METAP1: variants seen among roughly 807,000 people sequenced by gnomAD.
METAP1 encodes methionyl aminopeptidase 1, also known as methionine aminopeptidase 1.
METAP1 carries 28 observed loss-of-function variants against 53.8 expected under a neutral mutation model. The ratio of observed to expected loss-of-function variants is 0.52; its 90% CI spans 0.39 to 0.71. The LOEUF (loss-of-function observed/expected upper bound fraction) is 0.71, where lower values mean the gene tolerates loss of function less well. Among genes scored for constraint, METAP1 ranks in the 30% least tolerant of loss-of-function variants. The pLI, the probability that METAP1 is intolerant of heterozygous loss-of-function variation, is 0.00. For missense variants in METAP1, 389 were observed against 479.8 expected, an observed-to-expected ratio of 0.81 and a Z score of 1.77; for synonymous variants, 181 against 165.7, an observed-to-expected ratio of 1.09 and a Z score of -0.71.
At chr4:99,017,604 C>T (rs555917379) in intron 1 of METAP1, among the ~76,000 whole-genome samples, 1 of 152,334 alleles carries the variant, frequency 6.6e-6, no homozygotes, top group Admixed American at 6.5e-5. Context: ...AAGAATCCGG[C>T]AGGGTCAAGT....
intron 10 of METAP1, 112 bp downstream of exon 10, chr4:99,057,930 C>A: frequency 1.2e-6 from 1 of 820,492 alleles, no homozygotes; most frequent in Non-Finnish European, 1.9e-6. Flanking sequence ...CTACTCACTC[C>A]CTGTCCCACC....
At chr4:99,053,852 G>T (rs1164621771) in intron 9 of METAP1, among the ~76,000 whole-genome samples, 1 of 151,284 alleles carries the variant, frequency 6.6e-6, no homozygotes, top group Non-Finnish European at 1.5e-5. Context: ...TCTCTGAGCA[G>T]TAGGTTTCAG....
intron 2 of METAP1, among the ~76,000 whole-genome samples, chr4:99,032,649 A>G (rs1449845898): frequency 6.6e-6 from 1 of 152,202 alleles, no homozygotes; most frequent in Non-Finnish European, 1.5e-5. Context: ...TGCTAGTGCA[A>G]AAAGCCTGCG....
intron 1 of METAP1, among the ~76,000 whole-genome samples, chr4:99,006,531 T>G (rs1296002946): frequency 4.6e-5 from 7 of 152,208 alleles, no homozygotes; most frequent in Non-Finnish European, 1.0e-4. Context: ...AACACGACAC[T>G]GAATCTATTA....
At chr4:98,998,706 C>T (rs1722765055) in intron 1 of METAP1, among the ~76,000 whole-genome samples, 1 of 152,154 alleles carries the variant, frequency 6.6e-6, no homozygotes, top group Non-Finnish European at 1.5e-5. Context: ...TCTATCACAC[C>T]ATTAACAGAA....
chr4:99,049,526 G>A (rs897878467), intron 9 of METAP1, among the ~76,000 whole-genome samples: 1 of 152,140 alleles, frequency 6.6e-6, no homozygotes, highest in Non-Finnish European at 1.5e-5. Flanking sequence ...TCCTTAGGTT[G>A]AGTGCCGTGT....
At position 99,004,494 on chromosome 4, in the gene METAP1, CACACACACACACACACACAA is replaced by C. The variant is rs1457233055; in HGVS notation, c.114+8629_114+8648del. Among the ~76,000 whole-genome samples the C allele has an allele frequency of 7.5e-4, 60 of 79,758 alleles. 1 individual carries two copies. Among genetic ancestry groups the C allele is most frequent in the African/African-American group, 2.1e-3 (60 of 28,600 alleles). 52.3% of individuals were successfully genotyped at this position (79,758 alleles called of 152,430 possible). A position where few individuals can be genotyped will look rare whatever the true frequency, so the allele number is the denominator to read the frequency against. ...ACACACACACACACATACACACACA[CACACACACACACACACACAA>C]AATAACACAGCAAATCATCCACGGG... On this transcript the variant is annotated intron_variant, in intron 1 of 10. Transcript: ENST00000296411.
In METAP1 at chr4:99,016,068, C is replaced by G. The variant is rs141610787; in HGVS notation, c.115-12799C>G. On this transcript the variant is annotated intron_variant, in intron 1 of 10. Transcript: ENST00000296411. ...GGCTCGAGCCTTCCTTCCTTCCATC[C>G]CTTTATGAAGACGTGGTCTCCAGGC... Among the ~76,000 whole-genome samples, 1,142 of 152,218 alleles carry G rather than the reference C, an allele frequency of 7.5e-3. 11 individuals are homozygous for G. The highest frequency in any genetic ancestry group is 0.026 in the African/African-American group (1,099 of 41,534).
At chr4:99,047,620 T>C (rs140501721) in intron 8 of METAP1, among the ~76,000 whole-genome samples, 1 of 152,306 alleles carries the variant, frequency 6.6e-6, no homozygotes, top group African/African-American at 2.4e-5. Flanking sequence ...CCTTGAGCTA[T>C]TTACCCTGAA....
chr4:99,001,043 A>G (rs1185321626), intron 1 of METAP1, among the ~76,000 whole-genome samples: 1 of 152,210 alleles, frequency 6.6e-6, no homozygotes, highest in Non-Finnish European at 1.5e-5. Flanking sequence ...GTTAGAAGGT[A>G]GAGAAGGAAT....
chr4:99,010,806 T>A (rs1196124658), intron 1 of METAP1, among the ~76,000 whole-genome samples: 1 of 152,230 alleles, frequency 6.6e-6, no homozygotes, highest in Non-Finnish European at 1.5e-5. Flanking sequence ...GAACATGGGA[T>A]GTCTCTCTAT....
intron 1 of METAP1, among the ~76,000 whole-genome samples, chr4:99,010,436 A>G (rs1360461020): frequency 6.6e-6 from 1 of 152,210 alleles, no homozygotes; most frequent in Non-Finnish European, 1.5e-5. Context: ...AGCTTAGGTG[A>G]CGAGGTGAGA....
At chr4:99,023,088 C>T (rs746993983) in intron 1 of METAP1, 22 of 1,226,648 alleles carry the variant, frequency 1.8e-5, no homozygotes, top group East Asian at 3.0e-5. Flanking sequence ...TCCCTTCCAG[C>T]GCCTTTGCTC....
rs1357024612 is a variant in METAP1 at position 99,045,257 on chromosome 4, C to G, written c.734C>G (p.Ala245Gly). 6.2e-7 allele frequency: 1 copy of G among 1,613,634 alleles called. No homozygotes were observed. Among genetic ancestry groups the G allele is most frequent in the Non-Finnish European group, 8.5e-7 (1 of 1,179,784 alleles). The change falls in exon 8 of 11, where the codon GCA becomes GGA. Residue 245 changes from alanine (A) to glycine (G), a missense_variant. Physicochemically the swap from Ala to Gly is moderately conservative, Grantham distance 60. Coordinates refer to ENST00000296411, the MANE Select transcript of METAP1 (RefSeq NM_015143.3). ...TTTGTTGGAGAAGTGGATGATGGAG[C>G]ACGGAAACTTGTTCAGACCACATAT... ...TFFVGEVDDG[A>G]RKLVQTTYEC... is the part of the protein sequence containing the mutation.
chr4:99,050,504 A>G lies in METAP1; in HGVS notation c.931+1628A>G, dbSNP rs547152931. Reference sequence around the variant, plus strand: ...TGAAGAGAAAGTGAAATGAGTGAGCAACCTTTCTAAGGGAGAAGCTGGAGC... The same window carrying G: ...TGAAGAGAAAGTGAAATGAGTGAGCGACCTTTCTAAGGGAGAAGCTGGAGC... On this transcript the variant is annotated intron_variant, in intron 9 of 10. Coordinates refer to ENST00000296411, the MANE Select transcript of METAP1 (RefSeq NM_015143.3). Among the ~76,000 whole-genome samples the G allele has an allele frequency of 1.4e-4, 22 of 152,254 alleles. No homozygotes were observed. The South Asian group carries it at 2.9e-3, about 20-fold the overall frequency.
At chr4:99,014,503 T>C (rs1234401134) in intron 1 of METAP1, among the ~76,000 whole-genome samples, 1 of 152,220 alleles carries the variant, frequency 6.6e-6, no homozygotes, top group Admixed American at 6.5e-5. Context: ...GTCTACATTT[T>C]TGTTTATCGT....
At chr4:99,048,218 T>C (rs542037978) in intron 8 of METAP1, among the ~76,000 whole-genome samples, 54 of 152,342 alleles carry the variant, frequency 3.5e-4, no homozygotes, top group Admixed American at 1.6e-3. Context: ...CTAACGTTTT[T>C]GGCATGAAAG....
chr4:99,029,301 A>G (rs1724820023), intron 2 of METAP1, among the ~76,000 whole-genome samples: 1 of 151,956 alleles, frequency 6.6e-6, no homozygotes, highest in Non-Finnish European at 1.5e-5. Flanking sequence ...TTTTAGTTTC[A>G]ATTTGTATTG....
intron 2 of METAP1, among the ~76,000 whole-genome samples, chr4:99,032,236 G>GTT (rs369628710): frequency 6.8e-6 from 1 of 146,030 alleles, no homozygotes; most frequent in Admixed American, 6.8e-5. Flanking sequence ...GTTTTGTTTT[G>GTT]TTTTTTTTTG....
Sources: allele counts gnomAD v4.1 joint callset (sites outside exome capture counted in the v4.1 genomes callset), GRCh38; gene constraint gnomAD v4.1.1; transcripts MANE v1.5; gene names NCBI Gene and HGNC (gene_info 2026-07-23, HGNC 2026-07-21).